Variants in TAFA4 observed in about 807,000 individuals in gnomAD.
TAFA4 encodes chemokine-like protein TAFA-4.
TAFA4 carries 20 observed loss-of-function variants against 21.1 expected under a neutral mutation model. That is an observed-to-expected ratio of 0.95 (90% CI 0.67 to 1.38). TAFA4 has a LOEUF of 1.38. Among genes scored for constraint, TAFA4 ranks in the 40% most tolerant of loss-of-function variants. TAFA4 has a pLI of 0.00. For synonymous variants in TAFA4, 71 were observed against 67.4 expected (o/e 1.05, Z -0.26); for missense variants, 211 against 180.9 (o/e 1.17, Z -0.95).
chr3:68,859,475 C>G (rs1263209120), intron 3 of TAFA4, among the ~76,000 whole-genome samples: 1 of 152,096 alleles, frequency 6.6e-6, no homozygotes, highest in East Asian at 1.9e-4. Flanking sequence ...GTCTCAAAAT[C>G]CCTGTCATAA....
intron 3 of TAFA4, among the ~76,000 whole-genome samples, chr3:68,848,096 C>T (rs1452347873): frequency 3.9e-5 from 6 of 152,166 alleles, no homozygotes; most frequent in African/African-American, 1.4e-4. Context: ...CTATTATTAT[C>T]TTCATTTTAT....
intron 3 of TAFA4, among the ~76,000 whole-genome samples, chr3:68,759,632 C>G (rs1399829212): frequency 6.6e-6 from 1 of 152,128 alleles, no homozygotes. Context: ...ATCTTGAAAA[C>G]TGAAGCTAAA....
At position 68,926,848 on chromosome 3, in the gene TAFA4, T is replaced by G. The variant is rs181835987; in HGVS notation, c.-123+5392A>C. On this transcript the variant is annotated intron_variant, in intron 1 of 5. Transcript: ENST00000295569. Reference sequence around the variant, plus strand: ...ATCGCTTGAACCTGGAAGGTGGAGGTTGCAGTGAGCCAAGATTCCGCCATT... The same window carrying G: ...ATCGCTTGAACCTGGAAGGTGGAGGGTGCAGTGAGCCAAGATTCCGCCATT... Among the ~76,000 whole-genome samples, 16 of 152,036 alleles carry G rather than the reference T, an allele frequency of 1.1e-4. No homozygotes were observed. The East Asian group carries it at 2.9e-3, about 28-fold the overall frequency.
At chr3:68,812,930 G>C (rs932673666) in intron 3 of TAFA4, among the ~76,000 whole-genome samples, 2 of 152,024 alleles carry the variant, frequency 1.3e-5, no homozygotes, top group Non-Finnish European at 2.9e-5. Context: ...TGGAAGTAAA[G>C]TACTCCTCAG....
At chr3:68,856,353 G>C (rs774199148) in intron 3 of TAFA4, among the ~76,000 whole-genome samples, 2 of 152,098 alleles carry the variant, frequency 1.3e-5, no homozygotes, top group Non-Finnish European at 2.9e-5. Context: ...AATAAAGTAG[G>C]CATGCCATTC....
At chr3:68,857,674 C>T (rs1705100388) in intron 3 of TAFA4, among the ~76,000 whole-genome samples, 1 of 151,956 alleles carries the variant, frequency 6.6e-6, no homozygotes, top group Non-Finnish European at 1.5e-5. Context: ...GAGATGAAGA[C>T]CACTCTGACA....
chr3:68,918,847 A>G (rs2090030463), intron 1 of TAFA4, among the ~76,000 whole-genome samples: 1 of 152,134 alleles, frequency 6.6e-6, no homozygotes, highest in Admixed American at 6.5e-5. Context: ...AGCCTCTTCC[A>G]TTTGCTTTAA....
At chr3:68,868,779 A>G (rs1279690336) in intron 3 of TAFA4, among the ~76,000 whole-genome samples, 1 of 152,008 alleles carries the variant, frequency 6.6e-6, no homozygotes, top group Non-Finnish European at 1.5e-5. Flanking sequence ...ATAAATGCCT[A>G]CTTCAAAAGA....
At chr3:68,873,330 G>GCATACACACACACA (rs1333012039) in intron 3 of TAFA4, among the ~76,000 whole-genome samples, 1 of 68,676 alleles carries the variant, frequency 1.5e-5, no homozygotes, top group East Asian at 1.1e-3. Context: ...ACAGACACAC[G>GCATACACACACACA]CAGACATACA....
At chr3:68,845,311 T>C (rs1704759509) in intron 3 of TAFA4, among the ~76,000 whole-genome samples, 1 of 152,220 alleles carries the variant, frequency 6.6e-6, no homozygotes, top group African/African-American at 2.4e-5. Context: ...GTCTGTTTTA[T>C]CAGAGACTAG....
At chr3:68,836,616 C>T (rs1327338774) in intron 3 of TAFA4, among the ~76,000 whole-genome samples, 1 of 152,176 alleles carries the variant, frequency 6.6e-6, no homozygotes, top group Non-Finnish European at 1.5e-5. Context: ...ATTCCAGGAA[C>T]TCTTATAGGT....
intron 3 of TAFA4, among the ~76,000 whole-genome samples, chr3:68,842,570 G>T (rs1704689802): frequency 1.3e-5 from 2 of 152,100 alleles, no homozygotes; most frequent in Admixed American, 1.3e-4. Flanking sequence ...TGTCAATTTT[G>T]GCTTTTGTTG....
chr3:68,849,416 C>T (rs1367000618), intron 3 of TAFA4, among the ~76,000 whole-genome samples: 3 of 152,156 alleles, frequency 2.0e-5, no homozygotes, highest in Non-Finnish European at 2.9e-5. Flanking sequence ...AATGCTTGTT[C>T]TTGAATCTTG....
At chr3:68,840,489 C>T (rs1216538004) in intron 3 of TAFA4, among the ~76,000 whole-genome samples, 1 of 152,150 alleles carries the variant, frequency 6.6e-6, no homozygotes, top group African/African-American at 2.4e-5. Flanking sequence ...ATTGCTGGGA[C>T]TGCAGGTGTG....
At chr3:68,837,259 G>T (rs1171103674) in intron 3 of TAFA4, among the ~76,000 whole-genome samples, 1 of 152,180 alleles carries the variant, frequency 6.6e-6, no homozygotes, top group Non-Finnish European at 1.5e-5. Context: ...GCATCACCCA[G>T]CTGGCCTGTT....
intron 3 of TAFA4, among the ~76,000 whole-genome samples, chr3:68,815,061 G>A (rs1244609910): frequency 6.6e-6 from 1 of 152,132 alleles, no homozygotes; most frequent in African/African-American, 2.4e-5. Flanking sequence ...CAAGAAATGG[G>A]GAAAGGATTC....
chr3:68,741,552 T>C (rs1702352540), intron 4 of TAFA4, among the ~76,000 whole-genome samples: 1 of 152,088 alleles, frequency 6.6e-6, no homozygotes, highest in Admixed American at 6.6e-5. Flanking sequence ...CCCAGCACTT[T>C]GGGAGGTCCA....
intron 4 of TAFA4, among the ~76,000 whole-genome samples, chr3:68,745,108 C>T (rs574972727): frequency 9.0e-4 from 137 of 152,230 alleles, no homozygotes; most frequent in Non-Finnish European, 1.5e-3. Context: ...TTGCAAATTC[C>T]GTTATGAGTT....
At chr3:68,765,936 A>T (rs1193707473) in intron 3 of TAFA4, among the ~76,000 whole-genome samples, 1 of 152,176 alleles carries the variant, frequency 6.6e-6, no homozygotes, top group Non-Finnish European at 1.5e-5. Flanking sequence ...AGTGTACTCA[A>T]AAATAAGTCC....
Sources: allele counts gnomAD v4.1 joint callset (sites outside exome capture counted in the v4.1 genomes callset), GRCh38; gene constraint gnomAD v4.1.1; transcripts MANE v1.5; gene names NCBI Gene and HGNC (gene_info 2026-07-23, HGNC 2026-07-21).